SCAP: variants seen among roughly 807,000 people sequenced by gnomAD.
The protein encoded by SCAP is sterol regulatory element-binding protein cleavage-activating protein.
A neutral mutation model predicts 123.6 loss-of-function variants in SCAP; 65 were observed. The observed-to-expected ratio is 0.53, with a 90% CI of 0.43 to 0.65. The LOEUF is 0.65. Ranked by LOEUF, SCAP falls within the 30% of genes least tolerant of loss-of-function variation. The pLI is 0.00. For missense variants in SCAP, 1,398 were observed against 1,712.5 expected (o/e 0.82, Z 3.24); for synonymous variants, 740 against 726.3 (o/e 1.02, Z -0.30).
At chr3:47,421,291 G>C (rs894866164) in intron 10 of SCAP, 3 of 463,066 alleles carry the variant, frequency 6.5e-6, no homozygotes, top group Non-Finnish European at 8.0e-6. Context: ...TGAATCTTCC[G>C]GTCCCTCTAG....
At chr3:47,461,314 T>C (rs1707632529) in intron 1 of SCAP, among the ~76,000 whole-genome samples, 1 of 152,230 alleles carries the variant, frequency 6.6e-6, no homozygotes, top group Non-Finnish European at 1.5e-5. Flanking sequence ...TTTGTTTCTG[T>C]CTCAAATTGT....
chr3:47,458,863 C>T (rs746639717), intron 1 of SCAP, among the ~76,000 whole-genome samples: 42 of 152,190 alleles, frequency 2.8e-4, no homozygotes, highest in Non-Finnish European at 3.8e-4. Flanking sequence ...TGACGTGCAA[C>T]GGCGTGATCT....
intron 1 of SCAP, among the ~76,000 whole-genome samples, chr3:47,454,857 C>T (rs1229863086): frequency 6.6e-6 from 1 of 151,686 alleles, no homozygotes; most frequent in Non-Finnish European, 1.5e-5. Context: ...AATGGGAACA[C>T]ACTAGAAGTG....
intron 2 of SCAP, among the ~76,000 whole-genome samples, chr3:47,438,879 A>G (rs1196648560): frequency 3.3e-5 from 5 of 152,104 alleles, no homozygotes; most frequent in Non-Finnish European, 7.3e-5. Flanking sequence ...CACAGAGTAT[A>G]GTCAGTTTTT....
chr3:47,457,629 C>T (rs539744131), intron 1 of SCAP, among the ~76,000 whole-genome samples: 9 of 152,236 alleles, frequency 5.9e-5, no homozygotes, highest in East Asian at 1.9e-4. Context: ...TTCTCTGGGC[C>T]GGGCACGGTG....
Position 47,455,641 on chromosome 3 carries a change from T to G in SCAP, c.-98-12550A>C, listed in dbSNP as rs190631560. 3.7e-3 allele frequency among the ~76,000 whole-genome samples: 512 copies of G among 140,072 alleles called. 2 individuals are homozygous for G. Among genetic ancestry groups the G allele is most frequent in the Middle Eastern group, 7.4e-3 (2 of 270 alleles). The allele number at this position is 140,072 out of a possible 152,430, so 91.9% of individuals were successfully genotyped here. On this transcript the variant is annotated intron_variant, in intron 1 of 22. Transcript: ENST00000265565. ...AGAAACCAAAAGAAATCTCTGAAAC[T>G]CCGAAAGACAGAAAAGATGACTTCA...
chr3:47,444,492 G>C (rs2107923313), intron 1 of SCAP, among the ~76,000 whole-genome samples: 1 of 152,174 alleles, frequency 6.6e-6, no homozygotes, highest in South Asian at 2.1e-4. Flanking sequence ...TATTTTTTTT[G>C]ACATAGAATC....
chr3:47,460,286 A>T (rs1251652212), intron 1 of SCAP, among the ~76,000 whole-genome samples: 1 of 152,262 alleles, frequency 6.6e-6, no homozygotes, highest in African/African-American at 2.4e-5. Flanking sequence ...AAGAGATTAA[A>T]GTAAGACAAG....
intron 1 of SCAP, among the ~76,000 whole-genome samples, chr3:47,454,555 C>T (rs1277056152): frequency 6.6e-6 from 1 of 151,634 alleles, no homozygotes; most frequent in African/African-American, 2.4e-5. Flanking sequence ...GGTGAAACCC[C>T]CGTCTCCACT....
intron 2 of SCAP, among the ~76,000 whole-genome samples, chr3:47,441,196 G>A (rs983138845): frequency 1.3e-5 from 2 of 152,016 alleles, no homozygotes; most frequent in East Asian, 1.9e-4. Context: ...CACCACGCCC[G>A]GCCAGGTCTT....
chr3:47,436,398 C>A (rs1706579682), intron 2 of SCAP, among the ~76,000 whole-genome samples: 1 of 152,096 alleles, frequency 6.6e-6, no homozygotes, highest in African/African-American at 2.4e-5. Context: ...TTGGGAGAGG[C>A]CAAGCGGGCG....
rs182366851 is a variant in SCAP, at chr3:47,468,663, G to T, written c.-99+7136C>A. On this transcript the variant is annotated intron_variant, in intron 1 of 22. Coordinates refer to ENST00000265565, the MANE Select transcript of SCAP (RefSeq NM_012235.4). The stretch of plus-strand genomic sequence containing the variant: ...GATTGTAAAAATTTTCTCCCACTCT[G>T]TAGGTTGCCTGTTCAGTCTGATGGT... Among the ~76,000 whole-genome samples, 328 of 152,306 alleles carry T rather than the reference G, an allele frequency of 2.2e-3. 4 individuals carry two copies. Among genetic ancestry groups the T allele is most frequent in the African/African-American group, 7.5e-3 (311 of 41,566 alleles).
chr3:47,465,165 ATTCT>A (rs1336717544), intron 1 of SCAP, among the ~76,000 whole-genome samples: 1 of 150,274 alleles, frequency 6.7e-6, no homozygotes, highest in Non-Finnish European at 1.5e-5. Context: ...GGAAGATGAT[ATTCT>A]TTTTTTTTTT....
At chr3:47,422,761 G>C in intron 9 of SCAP, 2 of 497,956 alleles carry the variant, frequency 4.0e-6, no homozygotes, top group Non-Finnish European at 3.6e-6. Flanking sequence ...TTCACAGCCT[G>C]GAGGGTGCAG....
At position 47,415,192 on chromosome 3, in the gene SCAP, G is replaced by A; in HGVS notation, c.3057-12C>T. On this transcript the variant is annotated splice_polypyrimidine_tract_variant and intron_variant, in intron 18 of 22. Transcript: ENST00000265565. ...GTGCAGCCACAATCCTGGAAGAGAAGAACAGCTGCCAGGGGCCTCTCCCTT... is the reference window on the plus strand; with the variant it reads ...GTGCAGCCACAATCCTGGAAGAGAAAAACAGCTGCCAGGGGCCTCTCCCTT... The A allele has an allele frequency of 1.2e-6, 2 of 1,602,488 alleles. No homozygotes were observed. Among genetic ancestry groups the A allele is most frequent in the Non-Finnish European group, 1.7e-6 (2 of 1,176,150 alleles).
At chr3:47,448,780 T>A (rs1189816353) in intron 1 of SCAP, among the ~76,000 whole-genome samples, 1 of 152,240 alleles carries the variant, frequency 6.6e-6, no homozygotes, top group African/African-American at 2.4e-5. Flanking sequence ...ATTAATACTT[T>A]AATTATACTT....
At chr3:47,470,393 C>G (rs1277555702) in intron 1 of SCAP, among the ~76,000 whole-genome samples, 1 of 152,116 alleles carries the variant, frequency 6.6e-6, no homozygotes, top group Non-Finnish European at 1.5e-5. Flanking sequence ...GATGGAGAAA[C>G]CCAGGTGTAG....
intron 1 of SCAP, among the ~76,000 whole-genome samples, chr3:47,463,567 T>C (rs1322745922): frequency 6.6e-6 from 1 of 152,018 alleles, no homozygotes; most frequent in East Asian, 1.9e-4. Flanking sequence ...CTGGGTGTGG[T>C]AGTGCCTGTA....
intron 1 of SCAP, among the ~76,000 whole-genome samples, chr3:47,462,861 A>AGCCTCCCTTCCTGCTTCCCC (rs1168912718): frequency 1.3e-5 from 2 of 151,574 alleles, no homozygotes; most frequent in African/African-American, 4.8e-5. Flanking sequence ...TGTGCTTCTC[A>AGCCTCCCTTCCTGCTTCCCC]GCCTCCCTTC....
Sources: gnomAD v4.1 joint callset for allele counts (sites outside exome capture counted in the v4.1 genomes callset) on GRCh38, gnomAD v4.1.1 for gene constraint, MANE v1.5 for transcripts, NCBI Gene and HGNC (gene_info 2026-07-23, HGNC 2026-07-21) for gene names.